P2RY8: variants seen among roughly 807,000 people sequenced by gnomAD.
P2RY8 encodes S-geranylgeranyl-glutathione receptor P2RY8.
A neutral mutation model predicts 10.0 loss-of-function variants in P2RY8; 6 were observed. The observed-to-expected ratio is 0.60, with a 90% confidence interval of 0.33 to 1.19. The LOEUF (loss-of-function observed/expected upper bound fraction) is 1.19, where lower values mean the gene tolerates loss of function less well. P2RY8 is among the 50% of genes most tolerant of loss of function. The pLI is 0.04. For synonymous variants in P2RY8, 276 were observed against 252.5 expected, an observed-to-expected ratio of 1.09 and a Z score of -0.88; for missense variants, 456 against 542.0, an observed-to-expected ratio of 0.84 and a Z score of 1.58.
intron 1 of P2RY8, among the ~76,000 whole-genome samples, chrX:1,511,426 G>A (rs1297365899): frequency 3.9e-5 from 6 of 152,066 alleles, no homozygotes; most frequent in East Asian, 1.9e-4. Flanking sequence ...TTTCTTCTTC[G>A]AAATGTCTAC....
intron 1 of P2RY8, among the ~76,000 whole-genome samples, chrX:1,535,002 G>A (rs2092513693): frequency 6.6e-6 from 1 of 151,758 alleles, no homozygotes; most frequent in South Asian, 2.1e-4. Flanking sequence ...ACAAACACAG[G>A]GTTGCCCACC....
At chrX:1,532,453 GTATATATACACATATA>G (rs1227652739) in intron 1 of P2RY8, among the ~76,000 whole-genome samples, 118,914 of 133,926 alleles carry the variant, frequency 0.89, 54,051 homozygotes, top group East Asian at 0.97. Flanking sequence ...ATGTATATGT[GTATATATACACATATA>G]TGTATAGATG....
At chrX:1,483,709 A>G (rs2091959938) in intron 1 of P2RY8, among the ~76,000 whole-genome samples, 1 of 152,072 alleles carries the variant, frequency 6.6e-6, no homozygotes, top group South Asian at 2.1e-4. Context: ...TTAGACTCAA[A>G]AACAGGCTTC....
At chrX:1,493,651 G>A (rs1407257703) in intron 1 of P2RY8, among the ~76,000 whole-genome samples, 3 of 152,136 alleles carry the variant, frequency 2.0e-5, no homozygotes, top group Non-Finnish European at 2.9e-5. Context: ...CTGGGAGAGC[G>A]CATTTTAAAG....
chrX:1,530,653 T>G (rs2092468199), intron 1 of P2RY8, among the ~76,000 whole-genome samples: 1 of 151,036 alleles, frequency 6.6e-6, no homozygotes, highest in South Asian at 2.2e-4. Context: ...CTCTCATCTA[T>G]CTATGTATCT....
At chrX:1,507,666 C>T (rs1314531802) in intron 1 of P2RY8, among the ~76,000 whole-genome samples, 6 of 152,264 alleles carry the variant, frequency 3.9e-5, no homozygotes, top group East Asian at 3.9e-4. Flanking sequence ...CTGTTGGCGA[C>T]GCGCGATTTC....
chrX:1,466,894 C>G (rs773663768), intron 1 of P2RY8, among the ~76,000 whole-genome samples: 2 of 145,098 alleles, frequency 1.4e-5, no homozygotes, highest in African/African-American at 2.5e-5. Context: ...TTCCTTCCCG[C>G]CCTCCCTCCC....
chrX:1,500,696 C>T (rs2149397544), intron 1 of P2RY8, among the ~76,000 whole-genome samples: 1 of 152,220 alleles, frequency 6.6e-6, no homozygotes, highest in South Asian at 2.1e-4. Flanking sequence ...GATCCTCCAA[C>T]CTAGCCCTCC....
rs183554818 is a variant in P2RY8, at chrX:1,506,893, G to C, written c.-25+30028C>G. Reference sequence around the variant, plus strand: ...GGGTTTCACCGTGTTAGCCAGGATGGTCTCGATCTCCTGACCTCGTGATCC... The same window carrying C: ...GGGTTTCACCGTGTTAGCCAGGATGCTCTCGATCTCCTGACCTCGTGATCC... On this transcript the variant is annotated intron_variant, in intron 1 of 1. Transcript: ENST00000381297. Among the ~76,000 whole-genome samples the C allele has an allele frequency of 5.9e-4, 90 of 151,938 alleles. 2 individuals carry two copies. The East Asian group carries it at 0.016, about 26-fold the overall frequency.
At chrX:1,470,740 C>T (rs1327373853) in intron 1 of P2RY8, among the ~76,000 whole-genome samples, 1 of 151,996 alleles carries the variant, frequency 6.6e-6, no homozygotes, top group African/African-American at 2.4e-5. Context: ...TGGGTCAGAG[C>T]TTGAGTCCTT....
chrX:1,504,341 C>T (rs2092210464), intron 1 of P2RY8, among the ~76,000 whole-genome samples: 1 of 151,468 alleles, frequency 6.6e-6, no homozygotes, highest in African/African-American at 2.4e-5. Context: ...TTTGGGAATT[C>T]CACATGCTTC....
intron 1 of P2RY8, among the ~76,000 whole-genome samples, chrX:1,517,165 C>A (rs5989663): frequency 0.86 from 129,495 of 150,740 alleles, 55,999 homozygotes; most frequent in East Asian, 1. Context: ...TCTCTTGTTT[C>A]TAAGCCACCC....
intron 1 of P2RY8, among the ~76,000 whole-genome samples, chrX:1,535,297 G>T (rs143319131): frequency 0.018 from 2,482 of 137,328 alleles, 69 homozygotes; most frequent in African/African-American, 0.064. Context: ...AAGTGATTCT[G>T]CTGCCTTAGC....
chrX:1,534,556 C>A (rs2092510673), intron 1 of P2RY8, among the ~76,000 whole-genome samples: 1 of 152,010 alleles, frequency 6.6e-6, no homozygotes, highest in African/African-American at 2.4e-5. Context: ...CACTGGGATC[C>A]CTGGACCCTG....
chrX:1,472,424 A>G (rs1271406642), intron 1 of P2RY8, among the ~76,000 whole-genome samples: 1 of 130,892 alleles, frequency 7.6e-6, no homozygotes, highest in Non-Finnish European at 1.6e-5. Flanking sequence ...GAATGGGTAC[A>G]TGGGTGGGTG....
intron 1 of P2RY8, among the ~76,000 whole-genome samples, chrX:1,518,994 C>T (rs1343630600): frequency 1.3e-5 from 2 of 151,938 alleles, no homozygotes; most frequent in African/African-American, 4.8e-5. Context: ...CCCCAATATT[C>T]TCTGTGGTCC....
At chrX:1,500,747 C>G (rs1231061154) in intron 1 of P2RY8, among the ~76,000 whole-genome samples, 2 of 152,094 alleles carry the variant, frequency 1.3e-5, no homozygotes, top group African/African-American at 4.8e-5. Flanking sequence ...TGCGCCCGGC[C>G]ACGTTAATTC....
chrX:1,488,101 ACT>A (rs1273800265), intron 1 of P2RY8, among the ~76,000 whole-genome samples: 17 of 142,184 alleles, frequency 1.2e-4, no homozygotes, highest in Admixed American at 7.3e-4. Flanking sequence ...CAAGAGCAAA[ACT>A]CTGTCTAAAA....
chrX:1,536,914 G>T lies in P2RY8; in HGVS notation c.-25+7C>A, dbSNP rs1227400571. Reference sequence around the variant, plus strand: ...GACAAGCATAAAAGTCCAGCTCGGCGGCTCACCTGTGCAGAAGCAGCGGCA... The same window carrying T: ...GACAAGCATAAAAGTCCAGCTCGGCTGCTCACCTGTGCAGAAGCAGCGGCA... On this transcript the variant is annotated splice_region_variant and intron_variant, in intron 1 of 1. Coordinates refer to ENST00000381297, the MANE Select transcript of P2RY8 (RefSeq NM_178129.5). 5.8e-5 allele frequency: 13 copies of T among 223,700 alleles called. No homozygotes were observed. The highest frequency in any genetic ancestry group is 2.5e-4 in the African/African-American group (11 of 44,692). 13.9% of individuals were successfully genotyped at this position (223,700 alleles called of 1,614,324 possible). A position where few individuals can be genotyped will look rare whatever the true frequency, so the allele number is the denominator to read the frequency against.
Sources: allele counts gnomAD v4.1 joint callset (sites outside exome capture counted in the v4.1 genomes callset), GRCh38; gene constraint gnomAD v4.1.1; transcripts MANE v1.5; gene names NCBI Gene and HGNC (gene_info 2026-07-23, HGNC 2026-07-21).